Variants in USP4 observed in about 807,000 individuals in gnomAD.
USP4 encodes ubiquitin carboxyl-terminal hydrolase 4.
Under a neutral mutation model 118.2 loss-of-function variants are expected in USP4, and 72 were observed. That is an observed-to-expected ratio of 0.61 (90% CI 0.50 to 0.74). USP4 has a LOEUF of 0.74. USP4 is among the 30% of genes least tolerant of loss of function. The probability of loss-of-function intolerance (pLI) is 0.00; values close to 1 mark genes in which losing one functional copy is unlikely to be tolerated. For missense variants in USP4, 1,037 were observed against 1,185.7 expected (o/e 0.87, Z 1.84); for synonymous variants, 415 against 440.4 (o/e 0.94, Z 0.72).
intron 10 of USP4, 41 bp from the exon 11 acceptor site, chr3:49,300,732 A>C: frequency 6.9e-6 from 11 of 1,583,022 alleles, no homozygotes; most frequent in Non-Finnish European, 8.7e-6. Context: ...AACACCTCTC[A>C]GCCCCTTGCC....
chr3:49,303,748 C>CAA (rs2047283734), intron 9 of USP4, among the ~76,000 whole-genome samples: 1 of 152,088 alleles, frequency 6.6e-6, no homozygotes, highest in South Asian at 2.1e-4. Flanking sequence ...TGTTGCCACC[C>CAA]AATTCTTTTT....
chr3:49,280,131 C>T (rs1285221439), intron 20 of USP4, among the ~76,000 whole-genome samples: 2 of 151,962 alleles, frequency 1.3e-5, no homozygotes, highest in East Asian at 1.9e-4. Context: ...GGTGTGGTGG[C>T]GCACACCTGT....
chr3:49,320,521 A>G (rs2047488260), intron 6 of USP4, among the ~76,000 whole-genome samples: 1 of 152,206 alleles, frequency 6.6e-6, no homozygotes, highest in African/African-American at 2.4e-5. Context: ...ATCGTGGCTC[A>G]CGGTAACTTC....
chr3:49,295,987 G>A (rs2047203861), intron 13 of USP4, among the ~76,000 whole-genome samples: 1 of 152,144 alleles, frequency 6.6e-6, no homozygotes, highest in Non-Finnish European at 1.5e-5. Flanking sequence ...ACTTTAAAAG[G>A]TGTGGTAAGA....
chr3:49,327,226 A>G (rs1445684847), intron 3 of USP4, among the ~76,000 whole-genome samples: 1 of 152,070 alleles, frequency 6.6e-6, no homozygotes, highest in Non-Finnish European at 1.5e-5. Context: ...TTCACTCACA[A>G]CCACAATTTC....
Position 49,277,153 on chromosome 3 carries a change from T to G in USP4, c.*1140A>C. On this transcript the variant is annotated 3_prime_UTR_variant, in exon 22 of 22. Transcript: ENST00000265560. ...CGCTGGCCCTACCGGCACCCCCCCT[T>G]TGGCGAGTCGGCAGCCACGTCCTTG... The G allele has an allele frequency of 7.0e-7, 1 of 1,426,282 alleles. No individual in the cohort carries two copies. Among genetic ancestry groups the G allele is most frequent in the Non-Finnish European group, 9.3e-7 (1 of 1,076,472 alleles). 88.4% of individuals were successfully genotyped at this position (1,426,282 alleles called of 1,614,324 possible). A position where few individuals can be genotyped will look rare whatever the true frequency, so the allele number is the denominator to read the frequency against.
intron 2 of USP4, among the ~76,000 whole-genome samples, chr3:49,334,392 A>G (rs893111715): frequency 6.6e-6 from 1 of 152,202 alleles, no homozygotes; most frequent in African/African-American, 2.4e-5. Context: ...AACAAAGTAA[A>G]TGATATTGTT....
At chr3:49,320,447 A>AAAAAAG (rs71077787) in intron 6 of USP4, among the ~76,000 whole-genome samples, 113,482 of 150,574 alleles carry the variant, frequency 0.75, 43,137 homozygotes, top group East Asian at 0.99. Context: ...CATCTCAAAC[A>AAAAAAG]AAAAAGAAAA....
chr3:49,326,675 G>C (rs1283568696), intron 3 of USP4, among the ~76,000 whole-genome samples: 1 of 150,372 alleles, frequency 6.7e-6, no homozygotes, highest in African/African-American at 2.4e-5. Context: ...GATTACAGGC[G>C]TGAGCCACCA....
chr3:49,336,328 G>C lies in USP4; in HGVS notation c.102-732C>G, dbSNP rs1007011885. ...CTGGGATTACAGGCATGCATCACCAGGCCCAGCTAATTTTTTTGTATTTTT... is the reference window on the plus strand; with the variant it reads ...CTGGGATTACAGGCATGCATCACCACGCCCAGCTAATTTTTTTGTATTTTT... On this transcript the variant is annotated intron_variant, in intron 1 of 21. Coordinates refer to ENST00000265560, the MANE Select transcript of USP4 (RefSeq NM_003363.4). 1.1e-4 allele frequency among the ~76,000 whole-genome samples: 16 copies of C among 146,988 alleles called. No individual in the cohort carries two copies. The East Asian group carries it at 2.5e-3, about 23-fold the overall frequency.
chr3:49,295,701 T>TGCGCGCGCGCGCGC lies in USP4; in HGVS notation c.1692-1117_1692-1104dup, dbSNP rs754642053. Among the ~76,000 whole-genome samples the TGCGCGCGCGCGCGC allele has an allele frequency of 9.6e-5, 14 of 146,134 alleles. No individual in the cohort carries two copies. The East Asian group carries it at 1.8e-3, about 19-fold the overall frequency. On this transcript the variant is annotated intron_variant, in intron 13 of 21. Transcript: ENST00000265560. ...TTTTGAAACTAAACATATGCACGTG[T>TGCGCGCGCGCGCGC]GCGCGCGCGCGCGCACACACACACA...
chr3:49,288,345 G>C (rs2047121518), intron 15 of USP4, among the ~76,000 whole-genome samples: 2 of 152,322 alleles, frequency 1.3e-5, no homozygotes, highest in Admixed American at 1.3e-4. Flanking sequence ...ATAATGCCAG[G>C]AGCCTTGGGC....
At chr3:49,297,843 C>CTGCA in intron 13 of USP4, 27 bp downstream of exon 13, 1 of 1,565,490 alleles carries the variant, frequency 6.4e-7, no homozygotes, top group East Asian at 2.2e-5. Flanking sequence ...CTGACCTGAC[C>CTGCA]TGCAGCAGAA....
intron 13 of USP4, among the ~76,000 whole-genome samples, chr3:49,295,714 G>GCGCACACACACACACACACA (rs149459963): frequency 1.1e-4 from 16 of 148,314 alleles, no homozygotes; most frequent in African/African-American, 3.9e-4. Flanking sequence ...GCGCGCGCGC[G>GCGCACACACACACACACACA]CACACACACA....
rs549139049 is a variant in USP4, at chr3:49,317,443, G to C, written c.696-5789C>G. On this transcript the variant is annotated intron_variant, in intron 6 of 21. Transcript: ENST00000265560. ...CAGCTTGTTGTCGTAGTTCTGCAGC[G>C]CCATGCCCTGCTGGGTCAACATCTC... 20 of 844,778 alleles carry C rather than the reference G, an allele frequency of 2.4e-5. No homozygotes were observed. In the Middle Eastern group the frequency reaches 6.5e-4, roughly 27 times the overall value. 52.3% of individuals were successfully genotyped at this position (844,778 alleles called of 1,614,324 possible).
At chr3:49,309,214 T>A (rs1475241346) in intron 8 of USP4, among the ~76,000 whole-genome samples, 1 of 151,924 alleles carries the variant, frequency 6.6e-6, no homozygotes. Flanking sequence ...TTTAAGTAAA[T>A]TCCGTGACTC....
intron 6 of USP4, chr3:49,317,169 A>C: frequency 1.4e-6 from 2 of 1,458,776 alleles, no homozygotes; most frequent in Non-Finnish European, 1.9e-6. Context: ...CACTGAGCAA[A>C]GTCTGGGAGC....
chr3:49,302,632 G>T, intron 9 of USP4, 90 bp from the exon 10 acceptor site: 1 of 1,307,866 alleles, frequency 7.6e-7, no homozygotes, highest in Non-Finnish European at 1.0e-6. Flanking sequence ...GCTCTGAGGA[G>T]TTAGCTGGGG....
In USP4 at chr3:49,308,310, A is replaced by G. The variant is rs112120939; in HGVS notation, c.954+2310T>C. Among the ~76,000 whole-genome samples, 10 of 152,142 alleles carry G rather than the reference A, an allele frequency of 6.6e-5. 1 individual carries two copies. Among genetic ancestry groups the G allele is most frequent in the South Asian group, 2.1e-4 (1 of 4,820 alleles). The stretch of plus-strand genomic sequence containing the variant: ...AGTTCACCTAGGTAATGAGTCAATC[A>G]TATTTATACTTTATTATATATTTTT... On this transcript the variant is annotated intron_variant, in intron 8 of 21. Coordinates refer to ENST00000265560, the MANE Select transcript of USP4 (RefSeq NM_003363.4).
Sources: allele counts gnomAD v4.1 joint callset (sites outside exome capture counted in the v4.1 genomes callset), GRCh38; gene constraint gnomAD v4.1.1; transcripts MANE v1.5; gene names NCBI Gene and HGNC (gene_info 2026-07-23, HGNC 2026-07-21).